The following DNAAF11 variants were observed in gnomAD, a reference collection of about 807,000 sequenced individuals.
DNAAF11 encodes dynein axonemal assembly factor 11.
Under a neutral mutation model 60.8 loss-of-function variants are expected in DNAAF11, and 45 were observed. The observed-to-expected ratio is 0.74, with a 90% CI of 0.58 to 0.95. The LOEUF is 0.95. Among genes scored for constraint, DNAAF11 ranks in the 40% least tolerant of loss-of-function variants. The pLI, the probability that DNAAF11 is intolerant of heterozygous loss-of-function variation, is 0.00. For synonymous variants in DNAAF11, 191 were observed against 183.5 expected (o/e 1.04, Z -0.33); for missense variants, 546 against 546.2 (o/e 1.00, Z 0.00).
intron 11 of DNAAF11, among the ~76,000 whole-genome samples, chr8:132,576,314 G>A (rs1365711825): frequency 6.6e-6 from 1 of 152,118 alleles, no homozygotes; most frequent in Admixed American, 6.6e-5. Context: ...TGTTTACTGA[G>A]TACCTACTAT....
intron 11 of DNAAF11, chr8:132,578,267 T>C (rs1309027504): frequency 2.0e-6 from 1 of 496,194 alleles, no homozygotes; most frequent in African/African-American, 2.0e-5. Context: ...CTAATTCAGA[T>C]GTTGTGAGGA....
chr8:132,647,125 A>G (rs1025770857), intron 3 of DNAAF11, among the ~76,000 whole-genome samples: 1 of 152,210 alleles, frequency 6.6e-6, no homozygotes, highest in Non-Finnish European at 1.5e-5. Context: ...GTAAAAGAAC[A>G]GAAATTATAA....
At chr8:132,698,923 T>A in the DNAAF11 span, among the ~76,000 whole-genome samples, 235 of 91,814 alleles carry the variant, frequency 2.6e-3, no homozygotes, top group African/African-American at 0.021. Flanking sequence ...CTACTTAAAA[T>A]ATATATATGT....
chr8:132,663,475 A>G (rs529187237), intron 1 of DNAAF11, among the ~76,000 whole-genome samples: 1 of 152,370 alleles, frequency 6.6e-6, no homozygotes, highest in East Asian at 1.9e-4. Flanking sequence ...CTTAGCAAGG[A>G]TGCAACATGG....
chr8:132,675,152 C>G, intron 1 of DNAAF11: 1 of 340,756 alleles, frequency 2.9e-6, no homozygotes, highest in Non-Finnish European at 5.3e-6. Flanking sequence ...GCCACTTGGC[C>G]GGAACGTGGT....
chr8:132,681,269 C>T, the DNAAF11 span, among the ~76,000 whole-genome samples: 7 of 150,380 alleles, frequency 4.7e-5, no homozygotes, highest in Non-Finnish European at 7.4e-5. Context: ...CTTGGTCTCC[C>T]GAAGTGCTGG....
intron 5 of DNAAF11, among the ~76,000 whole-genome samples, chr8:132,628,054 G>A (rs1270916993): frequency 6.6e-6 from 1 of 152,006 alleles, no homozygotes; most frequent in Admixed American, 6.5e-5. Context: ...CTGTCCTCTT[G>A]GACAGCATCT....
intron 5 of DNAAF11, among the ~76,000 whole-genome samples, chr8:132,625,968 G>A (rs757129287): frequency 1.3e-5 from 2 of 152,096 alleles, no homozygotes; most frequent in Admixed American, 1.3e-4. Flanking sequence ...TTTCTAGCAG[G>A]CAAATTGGAT....
chr8:132,614,373 A>C (rs1009703714), intron 8 of DNAAF11, among the ~76,000 whole-genome samples: 3 of 152,184 alleles, frequency 2.0e-5, no homozygotes, highest in African/African-American at 7.2e-5. Context: ...GGCACAGTGA[A>C]CCAGGGCCTA....
chr8:132,593,209 G>A (rs1816640669), intron 10 of DNAAF11, among the ~76,000 whole-genome samples: 1 of 151,252 alleles, frequency 6.6e-6, no homozygotes, highest in Non-Finnish European at 1.5e-5. Flanking sequence ...CTCATACGAT[G>A]GAGAAATCAA....
intron 1 of DNAAF11, among the ~76,000 whole-genome samples, chr8:132,668,532 G>A (rs531609096): frequency 1.3e-5 from 2 of 152,072 alleles, no homozygotes; most frequent in East Asian, 3.9e-4. Flanking sequence ...TCTGCCTCCC[G>A]GGTTCACGCC....
At chr8:132,606,296 G>A (rs1394985945) in intron 10 of DNAAF11, among the ~76,000 whole-genome samples, 1 of 151,924 alleles carries the variant, frequency 6.6e-6, no homozygotes, top group Non-Finnish European at 1.5e-5. Context: ...TTATATTAGA[G>A]TGGGCTCCCT....
At chr8:132,676,346 G>C (rs900270917), upstream of DNAAF11, among the ~76,000 whole-genome samples, 1 of 152,134 alleles carries the variant, frequency 6.6e-6, no homozygotes, top group African/African-American at 2.4e-5. Context: ...AGATCTTAGT[G>C]TTAGCACTTT....
rs1388193066 is a variant in DNAAF11 at position 132,632,908 on chromosome 8, T to G, written c.485A>C (p.Tyr162Ser). 1 of 1,613,972 alleles carries G rather than the reference T, an allele frequency of 6.2e-7. No individual in the cohort carries two copies. Among genetic ancestry groups the G allele is most frequent in the Non-Finnish European group, 8.5e-7 (1 of 1,179,924 alleles). The change falls in exon 5 of 12, where the codon TAT (tyrosine) becomes TCT (serine). Residue 162 changes from tyrosine to serine, a missense_variant. By Grantham distance (144) the Tyr-to-Ser change is moderately radical (BLOSUM62 -2). Transcript: ENST00000620350. ...TCTGATTTGTGGTTCAATTACTGAATAGTCCTGCAATGCCTTAATCCTTTC... is the reference window on the plus strand; with the variant it reads ...TCTGATTTGTGGTTCAATTACTGAAGAGTCCTGCAATGCCTTAATCCTTTC... ...PSERIKALQD[Y>S]SVIEPQIREQ...
chr8:132,644,716 C>T (rs1247690258), intron 3 of DNAAF11, among the ~76,000 whole-genome samples: 1 of 152,212 alleles, frequency 6.6e-6, no homozygotes, highest in Non-Finnish European at 1.5e-5. Flanking sequence ...GTCCCACGCC[C>T]ATGGAGCCTC....
At chr8:132,611,933 T>C (rs1028429148) in intron 8 of DNAAF11, among the ~76,000 whole-genome samples, 4 of 152,210 alleles carry the variant, frequency 2.6e-5, no homozygotes, top group African/African-American at 9.6e-5. Flanking sequence ...AAATTAAAGA[T>C]TTAGATTTCA....
intron 8 of DNAAF11, 99 bp from the exon 9 acceptor site, chr8:132,611,462 G>A: frequency 3.2e-6 from 2 of 622,434 alleles, no homozygotes; most frequent in East Asian, 2.9e-5. Flanking sequence ...TTTAAATGAA[G>A]GGCGTTTAAA....
chr8:132,692,198 G>T, the DNAAF11 span, among the ~76,000 whole-genome samples: 10 of 151,960 alleles, frequency 6.6e-5, no homozygotes, highest in Non-Finnish European at 1.0e-4. Context: ...GTATAAACTG[G>T]GGTGGGGGGT....
intron 10 of DNAAF11, among the ~76,000 whole-genome samples, chr8:132,589,842 TAAA>T: frequency 6.6e-6 from 1 of 152,310 alleles, no homozygotes; most frequent in East Asian, 1.9e-4. Context: ...TAGATCCTCT[TAAA>T]AGGGGTCATT....
Sources: gnomAD v4.1 joint callset for allele counts (sites outside exome capture counted in the v4.1 genomes callset) on GRCh38, gnomAD v4.1.1 for gene constraint, MANE v1.5 for transcripts, NCBI Gene and HGNC (gene_info 2026-07-23, HGNC 2026-07-21) for gene names.